Variants in AGMO observed in about 807,000 individuals in gnomAD.
The protein encoded by AGMO is glyceryl-ether monooxygenase.
In AGMO, 75 loss-of-function variants were observed where a neutral mutation model predicts 60.2. That is an observed-to-expected ratio of 1.25 (90% CI 1.03 to 1.51). The LOEUF (loss-of-function observed/expected upper bound fraction) is 1.51, where lower values mean the gene tolerates loss of function less well. Among genes scored for constraint, AGMO ranks in the 40% most tolerant of loss-of-function variants. AGMO has a pLI of 0.00. For synonymous variants in AGMO, 261 were observed against 177.1 expected, an observed-to-expected ratio of 1.47 and a Z score of -3.76; for missense variants, 763 against 525.5, an observed-to-expected ratio of 1.45 and a Z score of -4.42.
intron 6 of AGMO, among the ~76,000 whole-genome samples, chr7:15,392,320 A>T (rs796067738): frequency 6.6e-6 from 1 of 151,318 alleles, no homozygotes; most frequent in African/African-American, 2.4e-5. Flanking sequence ...GTGATCCGCG[A>T]TCCGCCTCCC....
chr7:15,518,194 C>T (rs1783875456), intron 3 of AGMO, among the ~76,000 whole-genome samples: 1 of 152,136 alleles, frequency 6.6e-6, no homozygotes, highest in African/African-American at 2.4e-5. Context: ...ATAAAACTCC[C>T]ATTTCCCTGG....
At chr7:15,439,312 G>T (rs375520291) in intron 3 of AGMO, among the ~76,000 whole-genome samples, 4 of 152,136 alleles carry the variant, frequency 2.6e-5, no homozygotes, top group African/African-American at 9.7e-5. Context: ...CAGGATAATC[G>T]CTTGGACTCA....
intron 12 of AGMO, among the ~76,000 whole-genome samples, chr7:15,220,687 G>C (rs1433883926): frequency 6.6e-6 from 1 of 151,626 alleles, no homozygotes; most frequent in African/African-American, 2.4e-5. Context: ...TATCTTATTA[G>C]AAAATTAACC....
At chr7:15,387,611 ATAT>A in intron 8 of AGMO, 71 bp from the exon 9 acceptor site, 9 of 1,351,352 alleles carry the variant, frequency 6.7e-6, no homozygotes, top group Admixed American at 2.2e-5. Flanking sequence ...AAAGTTATGT[ATAT>A]TATTTTATTG....
intron 10 of AGMO, among the ~76,000 whole-genome samples, chr7:15,378,571 G>T (rs1256193887): frequency 1.3e-5 from 2 of 151,906 alleles, no homozygotes; most frequent in Non-Finnish European, 2.9e-5. Flanking sequence ...TCTTCAAAGA[G>T]ATTTAGACTC....
rs376520276 is a variant in AGMO at position 15,548,687 on chromosome 7, T to A, written c.258-3764A>T. On this transcript the variant is annotated intron_variant, in intron 2 of 12. Coordinates refer to ENST00000342526, the MANE Select transcript of AGMO (RefSeq NM_001004320.2). ...TATGTGAAAAGACCAAATCTACGTC[T>A]GATTGGTGTGCCTGAAGGTGATGGG... is the stretch of plus-strand genomic sequence containing the variant. Among the ~76,000 whole-genome samples, 12 of 152,318 alleles carry A rather than the reference T, an allele frequency of 7.9e-5. No individual in the cohort carries two copies. The East Asian group carries it at 1.9e-3, about 24-fold the overall frequency.
At chr7:15,492,028 C>T (rs138277475) in intron 3 of AGMO, among the ~76,000 whole-genome samples, 114 of 152,308 alleles carry the variant, frequency 7.5e-4, no homozygotes, top group Middle Eastern at 6.8e-3. Context: ...CCTCCTAAGA[C>T]CTTGCATTGT....
intron 12 of AGMO, among the ~76,000 whole-genome samples, chr7:15,295,148 C>T (rs534734538): frequency 2.0e-5 from 3 of 151,628 alleles, no homozygotes; most frequent in Non-Finnish European, 3.0e-5. Flanking sequence ...AATAGCTACA[C>T]AAACTATGAA....
intron 3 of AGMO, among the ~76,000 whole-genome samples, chr7:15,517,702 A>G (rs767729253): frequency 2.0e-4 from 30 of 152,076 alleles, no homozygotes; most frequent in African/African-American, 3.4e-4. Context: ...TGCCTACACT[A>G]CCAGGGAACT....
At chr7:15,469,897 C>A (rs1205391054) in intron 3 of AGMO, among the ~76,000 whole-genome samples, 3 of 151,842 alleles carry the variant, frequency 2.0e-5, no homozygotes, top group Non-Finnish European at 4.4e-5. Context: ...GGATGATTGT[C>A]ATGTGTCAAT....
chr7:15,389,972 C>G (rs1325834438), intron 8 of AGMO, among the ~76,000 whole-genome samples: 5 of 152,144 alleles, frequency 3.3e-5, no homozygotes, highest in African/African-American at 1.2e-4. Context: ...AATGTTGTAA[C>G]CAGTCCCCCG....
At chr7:15,513,282 T>C (rs1325244510) in intron 3 of AGMO, among the ~76,000 whole-genome samples, 2 of 105,568 alleles carry the variant, frequency 1.9e-5, no homozygotes, top group African/African-American at 3.9e-5. Flanking sequence ...CAGATACCTA[T>C]AGCACAACTT....
intron 12 of AGMO, among the ~76,000 whole-genome samples, chr7:15,325,599 A>G (rs1163181020): frequency 1.3e-5 from 2 of 152,170 alleles, no homozygotes; most frequent in Non-Finnish European, 2.9e-5. Flanking sequence ...TTTAAAATAT[A>G]AACAATCAAA....
chr7:15,150,473 G>A, the AGMO span, among the ~76,000 whole-genome samples: 1 of 152,056 alleles, frequency 6.6e-6, no homozygotes, highest in African/African-American at 2.4e-5. Flanking sequence ...TTTGAGGTAT[G>A]TTCCTTCAAT....
At chr7:15,304,640 AGTCCCTGATTCG>A (rs143450356) in intron 12 of AGMO, among the ~76,000 whole-genome samples, 2,590 of 152,212 alleles carry the variant, frequency 0.017, 57 homozygotes, top group African/African-American at 0.059. Context: ...CTGTTTCAAA[AGTCCCTGATTCG>A]TACTTTATAG....
chr7:15,402,295 T>C (rs1039065694), intron 5 of AGMO, among the ~76,000 whole-genome samples: 2 of 151,892 alleles, frequency 1.3e-5, no homozygotes, highest in Admixed American at 1.3e-4. Flanking sequence ...TCCTCTTTTA[T>C]TTTTTTCTCT....
chr7:15,503,344 T>A (rs1783436433), intron 3 of AGMO, among the ~76,000 whole-genome samples: 1 of 152,030 alleles, frequency 6.6e-6, no homozygotes, highest in Non-Finnish European at 1.5e-5. Context: ...TGAAAAAAGA[T>A]AAATAAATTA....
chr7:15,546,081 T>C (rs1784774921), intron 2 of AGMO, among the ~76,000 whole-genome samples: 2 of 152,180 alleles, frequency 1.3e-5, no homozygotes, highest in South Asian at 2.1e-4. Context: ...AGCATTTTAC[T>C]GGGTCTTTTA....
chr7:15,168,325 G>T, the AGMO span, among the ~76,000 whole-genome samples: 1 of 152,046 alleles, frequency 6.6e-6, no homozygotes, highest in Non-Finnish European at 1.5e-5. Flanking sequence ...AAAAAGCAAT[G>T]AAAAAATAAA....
Sources: gnomAD v4.1 joint callset for allele counts (sites outside exome capture counted in the v4.1 genomes callset) on GRCh38, gnomAD v4.1.1 for gene constraint, MANE v1.5 for transcripts, NCBI Gene and HGNC (gene_info 2026-07-23, HGNC 2026-07-21) for gene names.